Variants in POLR1D observed in about 807,000 individuals in gnomAD.
POLR1D encodes RNA polymerase I and III subunit D, also known as DNA-directed RNA polymerases I and III subunit RPAC2.
A neutral mutation model predicts 10.8 loss-of-function variants in POLR1D; 8 were observed. That is an observed-to-expected ratio of 0.74 (90% CI 0.43 to 1.33). POLR1D has a LOEUF of 1.33. Ranked by LOEUF, POLR1D falls within the 40% of genes most tolerant of loss-of-function variation. The pLI is 0.01. For missense variants in POLR1D, 152 were observed against 161.7 expected (o/e 0.94, Z 0.32); for synonymous variants, 54 against 57.2 (o/e 0.94, Z 0.25).
chr13:27,652,954 C>G (rs1262277230), intron 2 of POLR1D, among the ~76,000 whole-genome samples: 3 of 114,210 alleles, frequency 2.6e-5, no homozygotes, highest in Non-Finnish European at 4.9e-5. Context: ...GAGTCTTGCT[C>G]TGTCGCTGGA....
chr13:27,634,472 C>T (rs1359315998), intron 1 of POLR1D, among the ~76,000 whole-genome samples: 2 of 152,142 alleles, frequency 1.3e-5, no homozygotes, highest in Non-Finnish European at 2.9e-5. Flanking sequence ...GCCTAACAGA[C>T]ACGTAACTGT....
chr13:27,634,850 A>AT (rs1255294888), intron 1 of POLR1D, among the ~76,000 whole-genome samples: 5 of 151,580 alleles, frequency 3.3e-5, no homozygotes, highest in Admixed American at 3.3e-4. Context: ...TAATTTTTGT[A>AT]TTTTTTGTAG....
At chr13:27,622,757 C>T (rs1388243484) in intron 1 of POLR1D, 118 bp from the exon 2 acceptor site, 10 of 675,418 alleles carry the variant, frequency 1.5e-5, no homozygotes, top group African/African-American at 3.6e-5. Context: ...GCGAATAATT[C>T]TGTGTAGCTG....
At chr13:27,627,919 A>T (rs568163138), downstream of POLR1D, among the ~76,000 whole-genome samples, 35 of 152,230 alleles carry the variant, frequency 2.3e-4, no homozygotes, top group African/African-American at 6.7e-4. Context: ...AGTAACTTGG[A>T]GACAGATTCT....
At chr13:27,659,935 TACACAC>T (rs1375539304) in intron 2 of POLR1D, among the ~76,000 whole-genome samples, 1 of 141,734 alleles carries the variant, frequency 7.1e-6, no homozygotes, top group Non-Finnish European at 1.5e-5. Context: ...TACACACACA[TACACAC>T]ACACACATAC....
intron 1 of POLR1D, among the ~76,000 whole-genome samples, chr13:27,628,925 C>T (rs1301173136): frequency 6.6e-6 from 1 of 152,210 alleles, no homozygotes; most frequent in Non-Finnish European, 1.5e-5. Flanking sequence ...AAGCAGTCCT[C>T]CTACCTCAGC....
At chr13:27,658,891 A>G (rs1372969733) in intron 2 of POLR1D, among the ~76,000 whole-genome samples, 1 of 152,184 alleles carries the variant, frequency 6.6e-6, no homozygotes, top group Non-Finnish European at 1.5e-5. Flanking sequence ...TGCCCAATAT[A>G]ATTTCTGAGT....
At chr13:27,622,394 C>T (rs1258086216) in intron 1 of POLR1D, 11 of 329,718 alleles carry the variant, frequency 3.3e-5, no homozygotes, top group South Asian at 3.3e-4. Flanking sequence ...CTCTTTTTCT[C>T]CCTGCTGCTT....
Position 27,623,069 on chromosome 13 carries a change from A to T in POLR1D, c.221A>T (p.His74Leu). The T allele has an allele frequency of 1.2e-6, 2 of 1,614,104 alleles. No homozygotes were observed. The highest frequency in any genetic ancestry group is 1.7e-6 in the Non-Finnish European group (2 of 1,179,994). Residue 74 changes from histidine (H) to leucine (L), a missense_variant, in exon 2 of 2, where the codon CAT becomes CTT. Transcript: ENST00000302979. ...GAATTTTGTGGTTACACTACGACCC[A>T]TCCTTCAGAGAGCAAAATTAATTTA... ...EVEFCGYTTT[H>L]PSESKINLRI...
At chr13:27,626,854 A>G (rs139083859), downstream of POLR1D, among the ~76,000 whole-genome samples, 129 of 152,274 alleles carry the variant, frequency 8.5e-4, 2 homozygotes, top group Non-Finnish European at 9.4e-4. Flanking sequence ...ACATCTAAGT[A>G]CTCTAATTAG....
intron 1 of POLR1D, among the ~76,000 whole-genome samples, chr13:27,635,926 G>GGTGT (rs1161412828): frequency 6.6e-6 from 1 of 151,850 alleles, no homozygotes; most frequent in Admixed American, 6.6e-5. Context: ...GTTACTTGAT[G>GGTGT]GTGTCCTAGA....
chr13:27,646,875 ATGCT>A, intron 1 of POLR1D, among the ~76,000 whole-genome samples: 1 of 152,162 alleles, frequency 6.6e-6, no homozygotes, highest in Non-Finnish European at 1.5e-5. Context: ...AACTATGTGC[ATGCT>A]TTACTTTGAT....
In POLR1D at chr13:27,650,227, G is replaced by A. The variant is rs555424481; in HGVS notation, c.101+1774G>A. 7.1e-5 allele frequency: 28 copies of A among 393,800 alleles called. No individual in the cohort carries two copies. The South Asian group carries it at 1.7e-3, about 24-fold the overall frequency. The allele number at this position is 393,800 out of a possible 1,614,324, so 24.4% of individuals were successfully genotyped here. A position where few individuals can be genotyped will look rare whatever the true frequency, so the allele number is the denominator to read the frequency against. On this transcript the variant is annotated intron_variant, in intron 2 of 2. Coordinates refer to the POLR1D transcript ENST00000399697. ...GCTCAGCATTCAAAGTTTTTATTGC[G>A]GTTTCATTAAATAGGTTTGAAGTCA...
intron 1 of POLR1D, among the ~76,000 whole-genome samples, chr13:27,630,404 C>T (rs1266244099): frequency 1.3e-5 from 2 of 152,194 alleles, no homozygotes; most frequent in Non-Finnish European, 2.9e-5. Context: ...CATCTAATTA[C>T]ACAGAGATTG....
intron 1 of POLR1D, among the ~76,000 whole-genome samples, chr13:27,640,921 A>C (rs1283107611): frequency 6.6e-6 from 1 of 152,120 alleles, no homozygotes; most frequent in Non-Finnish European, 1.5e-5. Flanking sequence ...CCTGTAACCT[A>C]AGTAATCTAT....
chr13:27,641,227 T>C (rs1470120310), intron 1 of POLR1D, among the ~76,000 whole-genome samples: 1 of 152,208 alleles, frequency 6.6e-6, no homozygotes, highest in Non-Finnish European at 1.5e-5. Flanking sequence ...AATTCACAAT[T>C]CTCTCTTAGC....
chr13:27,625,873 C>A (rs146452020), downstream of POLR1D, among the ~76,000 whole-genome samples: 2 of 152,236 alleles, frequency 1.3e-5, no homozygotes, highest in Non-Finnish European at 2.9e-5. Context: ...ACGTGGAGGT[C>A]ACTAGGCAGT....
At chr13:27,640,380 CT>C (rs2138544829) in intron 1 of POLR1D, among the ~76,000 whole-genome samples, 1 of 152,294 alleles carries the variant, frequency 6.6e-6, no homozygotes, top group South Asian at 2.1e-4. Context: ...CCAATGTTGA[CT>C]TTCCAGTGGA....
At chr13:27,658,340 CA>C (rs1956327950) in intron 2 of POLR1D, among the ~76,000 whole-genome samples, 1 of 152,230 alleles carries the variant, frequency 6.6e-6, no homozygotes, top group Non-Finnish European at 1.5e-5. Context: ...AGCTCCTCTG[CA>C]CTGAAATAGC....
Sources: gnomAD v4.1 joint callset for allele counts (sites outside exome capture counted in the v4.1 genomes callset) on GRCh38, gnomAD v4.1.1 for gene constraint, MANE v1.5 for transcripts, NCBI Gene and HGNC (gene_info 2026-07-23, HGNC 2026-07-21) for gene names.